KCTD2: variants seen among roughly 807,000 people sequenced by gnomAD.
KCTD2 encodes the protein potassium channel tetramerization domain containing 2.
Under a neutral mutation model 27.9 loss-of-function variants are expected in KCTD2, and 18 were observed. The observed-to-expected ratio is 0.64, with a 90% confidence interval of 0.45 to 0.96. The LOEUF is 0.96. Among genes scored for constraint, KCTD2 ranks in the 40% least tolerant of loss-of-function variants. The pLI is 0.00. For synonymous variants in KCTD2, 175 were observed against 148.4 expected (o/e 1.18, Z -1.30); for missense variants, 280 against 348.0 (o/e 0.80, Z 1.56).
chr17:75,049,397 T>G, intron 2 of KCTD2, 69 bp downstream of exon 2: 1 of 1,046,690 alleles, frequency 9.6e-7, no homozygotes, highest in South Asian at 1.4e-5. Context: ...TTTACAGATT[T>G]CAATTTTGTT....
upstream of KCTD2, among the ~76,000 whole-genome samples, chr17:75,045,583 C>G (rs770720014): frequency 6.6e-6 from 1 of 152,210 alleles, no homozygotes; most frequent in Non-Finnish European, 1.5e-5. Flanking sequence ...AAGAATTCAG[C>G]GATATTTCTC....
At chr17:75,042,417 T>C, upstream of KCTD2, 1 of 1,516,108 alleles carries the variant, frequency 6.6e-7, no homozygotes, top group Non-Finnish European at 8.9e-7. Context: ...AATGCAAGGA[T>C]TTCTTTATAT....
intron 2 of KCTD2, among the ~76,000 whole-genome samples, chr17:75,049,633 C>T (rs1207997210): frequency 6.6e-6 from 1 of 152,184 alleles, no homozygotes; most frequent in Non-Finnish European, 1.5e-5. Flanking sequence ...TGTTTGTGTG[C>T]TAGCAGTGAG....
At chr17:75,048,841 G>A (rs559048302) in intron 1 of KCTD2, 154 of 158,922 alleles carry the variant, frequency 9.7e-4, no homozygotes, top group African/African-American at 3.4e-3. Flanking sequence ...TCCATCTCAA[G>A]CAAAGATTTC....
At chr17:75,056,173 A>G (rs994234749) in intron 3 of KCTD2, among the ~76,000 whole-genome samples, 4 of 152,232 alleles carry the variant, frequency 2.6e-5, no homozygotes, top group African/African-American at 9.6e-5. Context: ...GTTTTCTTCC[A>G]TCTAGCTGAC....
At chr17:75,033,512 CT>C (rs1473077005) in intron 1 of KCTD2, among the ~76,000 whole-genome samples, 2 of 152,144 alleles carry the variant, frequency 1.3e-5, no homozygotes, top group Non-Finnish European at 2.9e-5. Context: ...ATGATTAATA[CT>C]TGTCTGTTCT....
intron 3 of KCTD2, chr17:75,039,344 C>T (rs769694753): frequency 3.5e-5 from 47 of 1,347,858 alleles, no homozygotes; most frequent in Non-Finnish European, 4.7e-5. Context: ...AGGTAGGAGT[C>T]GTCCCAGCCC....
At position 75,062,242 on chromosome 17, in the gene KCTD2, G is replaced by T; in HGVS notation, c.759G>T (p.Ala253=). The change falls in exon 5 of 6, where the codon GCG becomes GCT. Residue 253 remains alanine (A), a synonymous_variant. Transcript: ENST00000322444. ...NGIVIEPSEK[A]KILQERGSRM The stretch of plus-strand genomic sequence containing the variant: ...TCGTCATAGAGCCGAGCGAAAAGGC[G>T]AAGGTAAGGAGCCCCTTCCCTGGGC... 6.2e-7 allele frequency: 1 copy of T among 1,611,698 alleles called. No homozygotes were observed. The highest frequency in any genetic ancestry group is 8.5e-7 in the Non-Finnish European group (1 of 1,179,100).
intron 4 of KCTD2, among the ~76,000 whole-genome samples, chr17:75,061,198 G>T (rs1055824503): frequency 6.6e-6 from 1 of 152,128 alleles, no homozygotes; most frequent in Non-Finnish European, 1.5e-5. Flanking sequence ...AGGCGGAGGC[G>T]CCCCCAGCCC....
At chr17:75,062,498 A>G (rs182920132) in intron 5 of KCTD2, among the ~76,000 whole-genome samples, 1 of 152,226 alleles carries the variant, frequency 6.6e-6, no homozygotes, top group Admixed American at 6.5e-5. Context: ...TCAATGAAAA[A>G]GAAAAGCTGG....
At chr17:75,054,394 G>A (rs1029838612) in intron 3 of KCTD2, among the ~76,000 whole-genome samples, 2 of 152,110 alleles carry the variant, frequency 1.3e-5, no homozygotes, top group East Asian at 1.9e-4. Context: ...AAGATGTTAC[G>A]GCACATCTAT....
At chr17:75,035,616 G>A (rs1049387387) in intron 3 of KCTD2, among the ~76,000 whole-genome samples, 1 of 152,102 alleles carries the variant, frequency 6.6e-6, no homozygotes, top group African/African-American at 2.4e-5. Flanking sequence ...GTCAAAGTTC[G>A]AGACCCGCCT....
intron 3 of KCTD2, among the ~76,000 whole-genome samples, chr17:75,037,147 G>A (rs188146401): frequency 1.1e-4 from 17 of 152,000 alleles, no homozygotes; most frequent in South Asian, 2.1e-4. Flanking sequence ...GATCGAGACC[G>A]TCCTGCCTAA....
chr17:75,039,240 G>A (rs1383469758), intron 3 of KCTD2: 2 of 1,614,014 alleles, frequency 1.2e-6, no homozygotes, highest in Non-Finnish European at 8.5e-7. Flanking sequence ...CCTGGCCTTT[G>A]AGAGAGACAC....
At chr17:75,060,690 C>G in intron 4 of KCTD2, 1 of 1,348,186 alleles carries the variant, frequency 7.4e-7, no homozygotes, top group Non-Finnish European at 9.9e-7. Flanking sequence ...AGGCTGCACT[C>G]AGGGTCTCGG....
At chr17:75,036,099 G>C (rs1474210028) in intron 3 of KCTD2, 3 of 452,836 alleles carry the variant, frequency 6.6e-6, no homozygotes, top group Non-Finnish European at 1.3e-5. Flanking sequence ...TGTCACCCAG[G>C]GTGGAGTGCA....
chr17:75,034,463 G>C (rs902556672), intron 2 of KCTD2, among the ~76,000 whole-genome samples: 15 of 152,174 alleles, frequency 9.9e-5, no homozygotes. Flanking sequence ...CACAATCCCT[G>C]GCTTAGGAGG....
At chr17:75,046,005 C>T (rs182228235), upstream of KCTD2, among the ~76,000 whole-genome samples, 207 of 152,324 alleles carry the variant, frequency 1.4e-3, 1 homozygote, top group African/African-American at 4.6e-3. Context: ...GTTCTTCTGC[C>T]ATGGTTTCAG....
chr17:75,054,699 C>T (rs548174925), intron 3 of KCTD2, among the ~76,000 whole-genome samples: 4 of 151,786 alleles, frequency 2.6e-5, no homozygotes, highest in South Asian at 4.2e-4. Context: ...CCCAGCTGCT[C>T]GGGAGGCTGA....
Sources: allele counts gnomAD v4.1 joint callset (sites outside exome capture counted in the v4.1 genomes callset), GRCh38; gene constraint gnomAD v4.1.1; transcripts MANE v1.5; gene names NCBI Gene and HGNC (gene_info 2026-07-23, HGNC 2026-07-21).